The following MINK1 variants were observed in gnomAD, a reference collection of about 807,000 sequenced individuals.
MINK1 encodes misshapen like kinase 1, also known as misshapen-like kinase 1.
A neutral mutation model predicts 178.4 loss-of-function variants in MINK1; 46 were observed. That is an observed-to-expected ratio of 0.26 (90% CI 0.20 to 0.33). The LOEUF is 0.33. Ranked by LOEUF, MINK1 falls within the 10% of genes least tolerant of loss-of-function variation. The pLI, the probability that MINK1 is intolerant of heterozygous loss-of-function variation, is 1.00. For synonymous variants in MINK1, 797 were observed against 709.7 expected, an observed-to-expected ratio of 1.12 and a Z score of -1.96; for missense variants, 1,366 against 1,814.9, an observed-to-expected ratio of 0.75 and a Z score of 4.49.
chr17:4,890,875 T>C, intron 14 of MINK1, 76 bp from the exon 15 acceptor site: 2 of 1,540,366 alleles, frequency 1.3e-6, no homozygotes, highest in South Asian at 2.4e-5. Flanking sequence ...GCGGGAGTAG[T>C]TAGGGCAGGT....
At chr17:4,881,402 G>A (rs1967689218) in intron 4 of MINK1, 145 bp downstream of exon 4, 3 of 907,802 alleles carry the variant, frequency 3.3e-6, no homozygotes, top group Non-Finnish European at 4.9e-6. Context: ...CCTGGACCCA[G>A]AGGGGCCTCC....
At position 4,858,963 on chromosome 17, in the gene MINK1, G is replaced by A. The variant is rs549563292; in HGVS notation, c.58-19354G>A. ...ACTCTGCCTTGTCCTCCCAACACCC[G>A]GGATTCCCCCCGGCCCCTCCCAACA... On this transcript the variant is annotated intron_variant, in intron 1 of 31. Transcript: ENST00000355280. Among the ~76,000 whole-genome samples, 24 of 151,768 alleles carry A rather than the reference G, an allele frequency of 1.6e-4. No individual in the cohort carries two copies. In the South Asian group the frequency reaches 3.9e-3, roughly 25 times the overall value.
Position 4,892,531 on chromosome 17 carries a change from AACTC to A in MINK1, c.2198+24_2198+27del, listed in dbSNP as rs368955263. ...CCTCTAGGTAATAGAGTTGTCCCCC[AACTC>A]ACTCTCACCTCTCACTTCTGCCACC... is the stretch of plus-strand genomic sequence containing the variant. On this transcript the variant is annotated intron_variant, in intron 18 of 31. Transcript: ENST00000355280. 198 of 1,542,124 alleles carry A rather than the reference AACTC, an allele frequency of 1.3e-4. 3 individuals carry two copies. In the East Asian group the frequency reaches 4.5e-3, roughly 35 times the overall value.
chr17:4,888,684 TC>T (rs1205132736), intron 12 of MINK1, among the ~76,000 whole-genome samples: 2 of 131,680 alleles, frequency 1.5e-5, no homozygotes, highest in Non-Finnish European at 3.1e-5. Context: ...AGTAACAAAG[TC>T]CTATCTTTTT....
intron 1 of MINK1, among the ~76,000 whole-genome samples, chr17:4,838,146 T>C (rs1299291224): frequency 6.6e-6 from 1 of 152,158 alleles, no homozygotes; most frequent in African/African-American, 2.4e-5. Context: ...TTTTTTCCCC[T>C]GGAAAATTGC....
intron 4 of MINK1, 72 bp downstream of exon 4, chr17:4,881,329 A>G: frequency 6.9e-7 from 1 of 1,452,526 alleles, no homozygotes; most frequent in Non-Finnish European, 9.3e-7. Context: ...AGGACTCAGT[A>G]TCAGTGCCCA....
chr17:4,835,479 T>A (rs973873821), intron 1 of MINK1, among the ~76,000 whole-genome samples: 7 of 151,994 alleles, frequency 4.6e-5, no homozygotes, highest in African/African-American at 1.5e-4. Context: ...ATACAAAAAT[T>A]AGCCACACGT....
Position 4,895,869 on chromosome 17 carries a change from G to C in MINK1, c.3364+37G>C. The C allele has an allele frequency of 6.2e-7, 1 of 1,604,640 alleles. No individual in the cohort carries two copies. Among genetic ancestry groups the C allele is most frequent in the Non-Finnish European group, 8.5e-7 (1 of 1,174,132 alleles). On this transcript the variant is annotated intron_variant, in intron 27 of 31. Coordinates refer to ENST00000355280, the MANE Select transcript of MINK1 (RefSeq NM_153827.5). The surrounding 1 kb of genome is among the most constrained non-coding windows in gnomAD (Gnocchi z 4.3). ...CCAACAGAGTGGCCAGCGCATACTT[G>C]TTCATGAAGAGAGAAATGGATCTGG... is the stretch of plus-strand genomic sequence containing the variant.
In MINK1 at chr17:4,893,976, C is replaced by T; in HGVS notation, c.2565-12C>T. 2.6e-6 allele frequency: 4 copies of T among 1,556,926 alleles called. No homozygotes were observed. The South Asian group carries it at 3.6e-5, about 14-fold the overall frequency. On this transcript the variant is annotated splice_polypyrimidine_tract_variant and intron_variant, in intron 21 of 31. Transcript: ENST00000355280. ...GCAGGACCTGGAGGGGCCCCACCTT[C>T]CTCTCTCACAGCAGCGATGGGGATA...
At chr17:4,897,157 C>G (rs753136943) in intron 31 of MINK1, 47 bp from the exon 32 acceptor site, 2 of 1,491,854 alleles carry the variant, frequency 1.3e-6, no homozygotes, top group Admixed American at 1.8e-5. Flanking sequence ...AGTTGAGACA[C>G]CCCCCCAACC....
At chr17:4,859,141 G>C in intron 1 of MINK1, 1 of 985,454 alleles carries the variant, frequency 1.0e-6, no homozygotes. Flanking sequence ...AAGCACAGGA[G>C]AGACCAGTCC....
chr17:4,880,299 TC>T (rs1226272893), intron 2 of MINK1, among the ~76,000 whole-genome samples: 1 of 149,732 alleles, frequency 6.7e-6, no homozygotes, highest in African/African-American at 2.5e-5. Context: ...TTTTTTCTTT[TC>T]TTTTTTTTTT....
chr17:4,879,215 C>G (rs548193641), intron 2 of MINK1, among the ~76,000 whole-genome samples: 1,768 of 151,536 alleles, frequency 0.012, 19 homozygotes, highest in Middle Eastern at 0.021. Flanking sequence ...GCCGCTGCAG[C>G]AGGGAGTGAG....
rs373385979 is a variant in MINK1 at position 4,887,218 on chromosome 17, C to T, written c.1019+39C>T. On this transcript the variant is annotated intron_variant, in intron 11 of 31. Coordinates refer to ENST00000355280, the MANE Select transcript of MINK1 (RefSeq NM_153827.5). The surrounding 1 kb of genome is among the most constrained non-coding windows in gnomAD (Gnocchi z 7.6). ...GTGGAGTGGGGGTTGGGGCGGTCATCGCTGAGTGGGGGGACTACAGTGGTG... is the reference window on the plus strand; with the variant it reads ...GTGGAGTGGGGGTTGGGGCGGTCATTGCTGAGTGGGGGGACTACAGTGGTG... 592 of 1,554,024 alleles carry T rather than the reference C, an allele frequency of 3.8e-4. 1 individual carries two copies. The highest frequency in any genetic ancestry group is 4.4e-4 in the Non-Finnish European group (509 of 1,144,050).
intron 1 of MINK1, among the ~76,000 whole-genome samples, chr17:4,863,314 A>G (rs1422223129): frequency 6.6e-6 from 1 of 152,116 alleles, no homozygotes; most frequent in African/African-American, 2.4e-5. Flanking sequence ...CTGCCCACTC[A>G]TGGCCTCTGC....
chr17:4,885,722 C>A lies in MINK1; in HGVS notation c.639+109C>A. On this transcript the variant is annotated intron_variant, in intron 7 of 31. Coordinates refer to ENST00000355280, the MANE Select transcript of MINK1 (RefSeq NM_153827.5). This position sits in a 1 kb window ranked among gnomAD's most constrained non-coding sequence, Gnocchi z 5.0. Reference sequence around the variant, plus strand: ...ACAGAGGAAGGTCAGATGATGTTAGCAGTGAGGGGCTGGGGAACATCTTAC... The same window carrying A: ...ACAGAGGAAGGTCAGATGATGTTAGAAGTGAGGGGCTGGGGAACATCTTAC... 6.7e-7 allele frequency: 1 copy of A among 1,488,330 alleles called. No individual in the cohort carries two copies. The allele number at this position is 1,488,330 out of a possible 1,614,324, so 92.2% of individuals were successfully genotyped here.
intron 1 of MINK1, among the ~76,000 whole-genome samples, chr17:4,834,369 G>A (rs1446061899): frequency 1.3e-5 from 2 of 152,212 alleles, no homozygotes; most frequent in African/African-American, 4.8e-5. Context: ...AGCACGGGCT[G>A]GGAAGAGGAT....
Position 4,892,671 on chromosome 17 carries a change from G to A in MINK1, c.2214G>A (p.Arg738=), listed in dbSNP as rs1597572724. ...CCCCCAACAGTAACCCCGACCTCAG[G>A]AGGAGCGACCCTGGCTGGGAACGCT... ...PPNASSNPDL[R]RSDPGWERSD... is the part of the protein sequence containing the mutation. The change falls in exon 19 of 32, where the codon AGG becomes AGA. Residue 738 remains arginine (R), a synonymous_variant. Coordinates refer to ENST00000355280, the MANE Select transcript of MINK1 (RefSeq NM_153827.5). The A allele has an allele frequency of 1.2e-6, 2 of 1,609,096 alleles. No individual in the cohort carries two copies. The highest frequency in any genetic ancestry group is 4.5e-5 in the East Asian group (2 of 44,842).
chr17:4,890,194 G>GGCCCCCC, intron 13 of MINK1: 3 of 774,488 alleles, frequency 3.9e-6, no homozygotes, highest in Non-Finnish European at 5.3e-6. Flanking sequence ...CCTGCCCTCT[G>GGCCCCCC]CCCCCCACCC....
Sources: gnomAD v4.1 joint callset for allele counts (sites outside exome capture counted in the v4.1 genomes callset) on GRCh38, gnomAD v4.1.1 for gene constraint, Gnocchi (gnomAD v3.1) non-coding constraint, MANE v1.5 for transcripts, NCBI Gene and HGNC (gene_info 2026-07-23, HGNC 2026-07-21) for gene names.